Variants in PPFIA2 observed in about 807,000 individuals in gnomAD.
PPFIA2 encodes the protein PPFI scaffold protein A2, also known as liprin-alpha-2.
A neutral mutation model predicts 175.5 loss-of-function variants in PPFIA2; 46 were observed. That is an observed-to-expected ratio of 0.26 (90% CI 0.21 to 0.34). PPFIA2 has a LOEUF of 0.34. Among genes scored for constraint, PPFIA2 ranks in the 10% least tolerant of loss-of-function variants. The pLI is 1.00. For synonymous variants in PPFIA2, 568 were observed against 511.4 expected, an observed-to-expected ratio of 1.11 and a Z score of -1.49; for missense variants, 1,179 against 1,506.1, an observed-to-expected ratio of 0.78 and a Z score of 3.60.
chr12:81,345,253 T>G (rs2058853898), intron 18 of PPFIA2, among the ~76,000 whole-genome samples: 1 of 152,128 alleles, frequency 6.6e-6, no homozygotes, highest in Non-Finnish European at 1.5e-5. Context: ...TACCCATATT[T>G]TATTAAAAAT....
chr12:81,263,864 C>T (rs1402682447), intron 30 of PPFIA2, among the ~76,000 whole-genome samples: 2 of 152,128 alleles, frequency 1.3e-5, no homozygotes, highest in East Asian at 1.9e-4. Context: ...TTTGAGATGG[C>T]ATGGCTAATA....
chr12:81,280,696 C>T (rs568377041), intron 27 of PPFIA2, among the ~76,000 whole-genome samples: 2 of 152,024 alleles, frequency 1.3e-5, no homozygotes, highest in East Asian at 3.9e-4. Flanking sequence ...AAAGACATTG[C>T]CTTTTGTTCA....
intron 4 of PPFIA2, among the ~76,000 whole-genome samples, chr12:81,469,027 T>C (rs1416378516): frequency 1.3e-5 from 2 of 152,148 alleles, no homozygotes; most frequent in South Asian, 2.1e-4. Context: ...TGTCTGGCAA[T>C]AGAGGCGTAT....
At chr12:81,478,137 G>A (rs1028502767) in intron 4 of PPFIA2, among the ~76,000 whole-genome samples, 4 of 151,932 alleles carry the variant, frequency 2.6e-5, no homozygotes, top group Non-Finnish European at 5.9e-5. Context: ...GTTAGTCTTC[G>A]GAGGGTGTAT....
chr12:81,597,990 C>T, intron 4 of PPFIA2: 1 of 1,535,160 alleles, frequency 6.5e-7, no homozygotes, highest in South Asian at 1.2e-5. Context: ...GGAGGATGCA[C>T]TTTAGGGGAG....
At chr12:81,606,314 A>G (rs908371110) in intron 4 of PPFIA2, among the ~76,000 whole-genome samples, 1 of 151,918 alleles carries the variant, frequency 6.6e-6, no homozygotes, top group African/African-American at 2.4e-5. Context: ...ATAATGATTG[A>G]TTTTCCTTTG....
intron 4 of PPFIA2, among the ~76,000 whole-genome samples, chr12:81,668,168 C>T (rs530815637): frequency 6.6e-6 from 1 of 152,036 alleles, no homozygotes; most frequent in African/African-American, 2.4e-5. Flanking sequence ...ATATTCTTGG[C>T]AAAACAGCTG....
intron 7 of PPFIA2, among the ~76,000 whole-genome samples, chr12:81,419,133 G>A (rs1205298511): frequency 6.6e-6 from 1 of 151,922 alleles, no homozygotes; most frequent in Non-Finnish European, 1.5e-5. Context: ...ATATGCCCTT[G>A]ACATCCAAAA....
chr12:81,646,379 G>A (rs1293841824), intron 4 of PPFIA2, among the ~76,000 whole-genome samples: 1 of 152,130 alleles, frequency 6.6e-6, no homozygotes, highest in Non-Finnish European at 1.5e-5. Flanking sequence ...CAGTGCTGAG[G>A]TTTGGTGCAG....
chr12:81,578,566 T>A (rs1311435085), intron 4 of PPFIA2, among the ~76,000 whole-genome samples: 5 of 151,854 alleles, frequency 3.3e-5, no homozygotes, highest in Non-Finnish European at 7.4e-5. Context: ...ATGACGAGGA[T>A]GATGATCAAC....
intron 4 of PPFIA2, among the ~76,000 whole-genome samples, chr12:81,521,733 T>C (rs2063165251): frequency 2.0e-5 from 3 of 148,880 alleles, no homozygotes. Context: ...GGCAGGAGAA[T>C]GGCGTGAACA....
At chr12:81,329,580 A>C (rs1352195339) in intron 21 of PPFIA2, among the ~76,000 whole-genome samples, 1 of 152,128 alleles carries the variant, frequency 6.6e-6, no homozygotes, top group East Asian at 1.9e-4. Flanking sequence ...CATTCTTGCC[A>C]GTGGGAGCGA....
chr12:81,279,026 C>T (rs1024730256), intron 27 of PPFIA2, among the ~76,000 whole-genome samples: 4 of 152,072 alleles, frequency 2.6e-5, no homozygotes, highest in Non-Finnish European at 5.9e-5. Context: ...CGTGTGGAAG[C>T]GCTAATTCTC....
intron 4 of PPFIA2, among the ~76,000 whole-genome samples, chr12:81,495,471 C>T (rs1167889972): frequency 1.3e-5 from 2 of 152,024 alleles, no homozygotes; most frequent in African/African-American, 4.8e-5. Context: ...GATCACCTAA[C>T]ATAATTCTCT....
At chr12:81,271,001 G>A (rs995152880) in intron 28 of PPFIA2, among the ~76,000 whole-genome samples, 1 of 152,098 alleles carries the variant, frequency 6.6e-6, no homozygotes, top group Non-Finnish European at 1.5e-5. Flanking sequence ...AAGAATCACA[G>A]TAGCTTTGGT....
At chr12:81,732,124 C>T (rs2080993956) in intron 3 of PPFIA2, among the ~76,000 whole-genome samples, 1 of 151,472 alleles carries the variant, frequency 6.6e-6, no homozygotes, top group African/African-American at 2.4e-5. Context: ...TATCACCACT[C>T]AAATATCTTT....
At chr12:81,740,214 ATGAG>A (rs2082160254) in intron 3 of PPFIA2, among the ~76,000 whole-genome samples, 1 of 152,176 alleles carries the variant, frequency 6.6e-6, no homozygotes, top group African/African-American at 2.4e-5. Context: ...GAGCCTTATT[ATGAG>A]TATTTTTTAA....
chr12:81,503,357 C>T (rs2060797804), intron 4 of PPFIA2, among the ~76,000 whole-genome samples: 1 of 151,726 alleles, frequency 6.6e-6, no homozygotes, highest in South Asian at 2.1e-4. Flanking sequence ...AACAAACAAA[C>T]AAAAACTCTG....
chr12:81,298,980 G>A (rs2047153836), intron 23 of PPFIA2, among the ~76,000 whole-genome samples: 4 of 152,126 alleles, frequency 2.6e-5, no homozygotes, highest in Admixed American at 6.6e-5. Flanking sequence ...ACCTGCTAAT[G>A]AGGAAGGGCC....
Sources: gnomAD v4.1 joint callset for allele counts (sites outside exome capture counted in the v4.1 genomes callset) on GRCh38, gnomAD v4.1.1 for gene constraint, MANE v1.5 for transcripts, NCBI Gene and HGNC (gene_info 2026-07-23, HGNC 2026-07-21) for gene names.